DOCK8: variants seen among roughly 807,000 people sequenced by gnomAD.
DOCK8 encodes dedicator of cytokinesis 8.
Under a neutral mutation model 245.6 loss-of-function variants are expected in DOCK8, and 141 were observed. The ratio of observed to expected loss-of-function variants is 0.57; its 90% confidence interval spans 0.50 to 0.66. The LOEUF is 0.66. DOCK8 is among the 30% of genes least tolerant of loss of function. DOCK8 has a pLI of 0.00. For synonymous variants in DOCK8, 1,168 were observed against 970.2 expected (o/e 1.20, Z -3.79); for missense variants, 2,965 against 2,603.4 (o/e 1.14, Z -3.02).
intron 43 of DOCK8, among the ~76,000 whole-genome samples, chr9:444,142 G>A (rs1342117166): frequency 6.6e-6 from 1 of 151,918 alleles, no homozygotes; most frequent in Non-Finnish European, 1.5e-5. Flanking sequence ...CAAAATGGGT[G>A]TACAGTTCTG....
At chr9:279,291 T>C (rs1051765627) in intron 2 of DOCK8, among the ~76,000 whole-genome samples, 3 of 152,172 alleles carry the variant, frequency 2.0e-5, no homozygotes, top group Admixed American at 1.3e-4. Context: ...AATTATCAAG[T>C]AGTGATGTTG....
intron 10 of DOCK8, among the ~76,000 whole-genome samples, chr9:333,121 A>C (rs966212276): frequency 4.6e-5 from 7 of 152,220 alleles, no homozygotes; most frequent in African/African-American, 1.7e-4. Context: ...AAAACTAAAC[A>C]GTGCCAGAGC....
At chr9:323,093 CAAAAAAAAAA>C (rs141746047) in intron 7 of DOCK8, among the ~76,000 whole-genome samples, 1 of 100,324 alleles carries the variant, frequency 1.0e-5, no homozygotes, top group Non-Finnish European at 2.1e-5. Context: ...AACTCCATCT[CAAAAAAAAAA>C]AAAAAGAAAG....
At chr9:417,811 G>T (rs541817382) in intron 29 of DOCK8, among the ~76,000 whole-genome samples, 54 of 152,256 alleles carry the variant, frequency 3.5e-4, no homozygotes, top group Admixed American at 2.7e-3. Context: ...TATGTTACAG[G>T]AAACAATTAT....
At chr9:308,883 T>C (rs2049970189) in intron 5 of DOCK8, among the ~76,000 whole-genome samples, 1 of 152,200 alleles carries the variant, frequency 6.6e-6, no homozygotes, top group Non-Finnish European at 1.5e-5. Context: ...GGTCTTGATC[T>C]CCTGACCTCA....
intron 46 of DOCK8, chr9:456,085 A>G (rs571851432): frequency 2.2e-4 from 34 of 152,348 alleles, no homozygotes; most frequent in African/African-American, 8.2e-4. Flanking sequence ...ACTTCATTCT[A>G]CAGAGATCAG....
Position 458,669 on chromosome 9 carries a change from C to T in DOCK8, c.6069-4848C>T, listed in dbSNP as rs144708380. ...TACAAAAAATACAAAAAAAATTAAC[C>T]GGGTGTAGTGGCGTGCCTGTAGTTC... On this transcript the variant is annotated intron_variant, in intron 46 of 47. Transcript: ENST00000432829. Among the ~76,000 whole-genome samples the T allele has an allele frequency of 2.6e-3, 393 of 151,986 alleles. 6 individuals carry two copies. Among genetic ancestry groups the T allele is most frequent in the East Asian group, 6.0e-3 (31 of 5,166 alleles).
chr9:342,551 C>G (rs2051660745), intron 14 of DOCK8, among the ~76,000 whole-genome samples: 1 of 151,062 alleles, frequency 6.6e-6, no homozygotes, highest in Admixed American at 6.6e-5. Context: ...TTCACTGCAA[C>G]CTCCGCCTCA....
chr9:367,056 A>G (rs943339787), intron 14 of DOCK8, among the ~76,000 whole-genome samples: 2 of 152,138 alleles, frequency 1.3e-5, no homozygotes, highest in African/African-American at 2.4e-5. Flanking sequence ...TCTGTATCTC[A>G]TTTGTTCCTC....
chr9:425,713 T>A, intron 33 of DOCK8, among the ~76,000 whole-genome samples: 1 of 146,432 alleles, frequency 6.8e-6, no homozygotes, highest in Non-Finnish European at 1.5e-5. Context: ...GCTATGATAG[T>A]GCCACTGCAC....
intron 22 of DOCK8, among the ~76,000 whole-genome samples, chr9:384,476 G>A (rs1159847973): frequency 3.3e-5 from 5 of 152,216 alleles, no homozygotes; most frequent in Non-Finnish European, 1.5e-5. Flanking sequence ...GAAATCTGCA[G>A]GCCAGGGTTT....
intron 14 of DOCK8, among the ~76,000 whole-genome samples, chr9:341,836 C>T (rs2130935830): frequency 6.6e-6 from 1 of 152,278 alleles, no homozygotes; most frequent in Middle Eastern, 3.4e-3. Flanking sequence ...GCTGGCATTA[C>T]CACCTGAGCT....
At chr9:214,597 G>A (rs144305173), upstream of DOCK8, 14 of 1,614,006 alleles carry the variant, frequency 8.7e-6, no homozygotes, top group South Asian at 4.4e-5. Flanking sequence ...CGCAGCTTCG[G>A]GCAGATGGAG....
chr9:331,202 G>T (rs1311514320), intron 9 of DOCK8, among the ~76,000 whole-genome samples: 2 of 152,230 alleles, frequency 1.3e-5, no homozygotes, highest in East Asian at 3.9e-4. Flanking sequence ...CCATATAGAA[G>T]GTACTCAACA....
At chr9:224,591 A>G (rs985845167) in intron 1 of DOCK8, among the ~76,000 whole-genome samples, 37 of 152,136 alleles carry the variant, frequency 2.4e-4, no homozygotes, top group Non-Finnish European at 3.8e-4. Flanking sequence ...TCACTGCCAT[A>G]CAGAGCAATA....
At chr9:215,447 G>A in intron 1 of DOCK8, 1 of 1,497,904 alleles carries the variant, frequency 6.7e-7, no homozygotes, top group Non-Finnish European at 8.9e-7. Context: ...AAGAAGTGAA[G>A]TGGCTGAAAT....
At chr9:348,293 G>A (rs1422363443) in intron 14 of DOCK8, among the ~76,000 whole-genome samples, 1 of 152,120 alleles carries the variant, frequency 6.6e-6, no homozygotes, top group Non-Finnish European at 1.5e-5. Flanking sequence ...AGAATGTGCC[G>A]AATTTTCCTA....
chr9:339,304 TAAAC>T (rs1302255104), intron 13 of DOCK8, among the ~76,000 whole-genome samples: 2 of 152,248 alleles, frequency 1.3e-5, no homozygotes, highest in African/African-American at 4.8e-5. Context: ...ATTGATTTAG[TAAAC>T]AAACCTTGTG....
chr9:323,645 C>G (rs1032682269), intron 7 of DOCK8, among the ~76,000 whole-genome samples: 4 of 152,174 alleles, frequency 2.6e-5, no homozygotes, highest in Non-Finnish European at 5.9e-5. Context: ...ACTCTGTACC[C>G]GTTAAACAAT....
Sources: allele counts gnomAD v4.1 joint callset (sites outside exome capture counted in the v4.1 genomes callset), GRCh38; gene constraint gnomAD v4.1.1; transcripts MANE v1.5; gene names NCBI Gene and HGNC (gene_info 2026-07-23, HGNC 2026-07-21).